The following TMEM80 variants were observed in gnomAD, a reference collection of about 807,000 sequenced individuals.
TMEM80 encodes transmembrane protein 80.
Under a neutral mutation model 13.6 loss-of-function variants are expected in TMEM80, and 16 were observed. That is an observed-to-expected ratio of 1.17 (90% CI 0.79 to 1.78). The LOEUF is 1.78. Ranked by LOEUF, TMEM80 falls within the 40% of genes most tolerant of loss-of-function variation. The pLI, the probability that TMEM80 is intolerant of heterozygous loss-of-function variation, is 0.00. For missense variants in TMEM80, 167 were observed against 184.6 expected (o/e 0.90, Z 0.55); for synonymous variants, 92 against 89.5 (o/e 1.03, Z -0.16).
chr11:703,173 A>G lies in TMEM80; in HGVS notation c.*23A>G. 1 of 1,586,972 alleles carries G rather than the reference A, an allele frequency of 6.3e-7. No individual in the cohort carries two copies. Among genetic ancestry groups the G allele is most frequent in the Non-Finnish European group, 8.6e-7 (1 of 1,162,066 alleles). On this transcript the variant is annotated 3_prime_UTR_variant, in exon 5 of 5. Coordinates refer to ENST00000397510, the MANE Select transcript of TMEM80 (RefSeq NM_001042463.3). ...TAGCTACGGACACCCGGGATACCCC[A>G]CACTGGGGCCCTCCTCCTGGGCCTG...
At chr11:700,121 G>T in intron 2 of TMEM80, 21 bp from the exon 3 acceptor site, 2 of 1,611,008 alleles carry the variant, frequency 1.2e-6, no homozygotes, top group Non-Finnish European at 1.7e-6. Flanking sequence ...TTGAGCTTGA[G>T]GATCCTTAAC....
At chr11:702,132 G>A (rs1861524900) in intron 4 of TMEM80, among the ~76,000 whole-genome samples, 1 of 152,150 alleles carries the variant, frequency 6.6e-6, no homozygotes, top group Non-Finnish European at 1.5e-5. Context: ...GCGGGGAAGG[G>A]TGGCCCCCAC....
chr11:704,697 T>C (rs1001494812), downstream of TMEM80: 32 of 1,259,208 alleles, frequency 2.5e-5, no homozygotes, highest in African/African-American at 4.9e-4. Context: ...AGTGGTCACC[T>C]GTTCCACAGG....
chr11:700,213 G>T lies in TMEM80; in HGVS notation c.111G>T (p.Thr37=). ...ACTACGCCCTGTATTTCCTCGCCAC[G>T]CTCCTGATGATCACGTATAAAAGTA... The part of the protein sequence containing the change: ...GTYYALYFLA[T]LLMITYKSQV... The change falls in exon 3 of 5, where the codon ACG becomes ACT. Residue 37 remains threonine, a synonymous_variant. Transcript: ENST00000397510. The T allele has an allele frequency of 6.2e-7, 1 of 1,613,804 alleles. No individual in the cohort carries two copies. The highest frequency in any genetic ancestry group is 8.5e-7 in the Non-Finnish European group (1 of 1,179,938).
chr11:703,457 T>TCCACAGACCC lies in TMEM80; in HGVS notation c.*311_*320dup. 2.4e-6 allele frequency: 3 copies of TCCACAGACCC among 1,269,832 alleles called. No homozygotes were observed. The highest frequency in any genetic ancestry group is 3.0e-6 in the Non-Finnish European group (3 of 1,010,376). The allele number at this position is 1,269,832 out of a possible 1,614,324, so 78.7% of individuals were successfully genotyped here. ...GGGGTCTGGCTTTAGCAGCCAGGCCTCCACAGACCCCCATGGGCCCCCAGG... is the reference window on the plus strand; with the variant it reads ...GGGGTCTGGCTTTAGCAGCCAGGCCTCCACAGACCCCCACAGACCCCCATGGGCCCCCAGG... On this transcript the variant is annotated 3_prime_UTR_variant, in exon 5 of 5. Coordinates refer to ENST00000397510, the MANE Select transcript of TMEM80 (RefSeq NM_001042463.3).
At position 703,073 on chromosome 11, in the gene TMEM80, C is replaced by T. The variant is rs769282317; in HGVS notation, c.355C>T (p.Leu119Phe). 23 of 1,612,574 alleles carry T rather than the reference C, an allele frequency of 1.4e-5. No individual in the cohort carries two copies. The highest frequency in any genetic ancestry group is 1.7e-5 in the Non-Finnish European group (20 of 1,179,742). The change falls in exon 5 of 5, where the codon CTC (leucine) becomes TTC (phenylalanine). Residue 119 changes from leucine to phenylalanine, a missense_variant. Coordinates refer to ENST00000397510, the MANE Select transcript of TMEM80 (RefSeq NM_001042463.3). ...CCTAGTGTTGTGGGCGGACTGGGCCCTCAGCGCCACGCTCCTGGCCCTTCA... is the reference window on the plus strand; with the variant it reads ...CCTAGTGTTGTGGGCGGACTGGGCCTTCAGCGCCACGCTCCTGGCCCTTCA... ...QALVLWADWA[L>F]SATLLALHGL...
At chr11:696,541 A>T (rs1048670876) in intron 1 of TMEM80, among the ~76,000 whole-genome samples, 4 of 152,096 alleles carry the variant, frequency 2.6e-5, no homozygotes, top group Non-Finnish European at 4.4e-5. Context: ...CAGTTTGGGA[A>T]GCCGAGGCTG....
In TMEM80 at chr11:700,763, C is replaced by T. The variant is rs774539919; in HGVS notation, c.226+56C>T. ...TGTCCTAAGAGTTGCTATCTGTTTCCACAGCCTTTCAAGAGTAATTATTTT... is the reference window on the plus strand; with the variant it reads ...TGTCCTAAGAGTTGCTATCTGTTTCTACAGCCTTTCAAGAGTAATTATTTT... On this transcript the variant is annotated intron_variant, in intron 4 of 4. Coordinates refer to ENST00000397510, the MANE Select transcript of TMEM80 (RefSeq NM_001042463.3). The T allele has an allele frequency of 2.3e-5, 34 of 1,448,752 alleles. 1 individual carries two copies. The highest frequency in any genetic ancestry group is 1.7e-4 in the Middle Eastern group (1 of 5,746). The allele number at this position is 1,448,752 out of a possible 1,614,324, so 89.7% of individuals were successfully genotyped here. A position where few individuals can be genotyped will look rare whatever the true frequency, so the allele number is the denominator to read the frequency against.
intron 1 of TMEM80, 34 bp from the exon 2 acceptor site, chr11:698,835 G>C: frequency 6.2e-7 from 1 of 1,614,068 alleles, no homozygotes; most frequent in Admixed American, 1.7e-5. Flanking sequence ...CCTGGTGGCT[G>C]TCAGGCCTTG....
chr11:703,490 G>A lies in TMEM80; in HGVS notation c.*340G>A. On this transcript the variant is annotated 3_prime_UTR_variant, in exon 5 of 5. Transcript: ENST00000397510. The stretch of plus-strand genomic sequence containing the variant: ...CCCCCATGGGCCCCCAGGGCCGAGA[G>A]GGAGGACAGAGCCCTTCAGAACAGA... 1 of 1,257,264 alleles carries A rather than the reference G, an allele frequency of 8.0e-7. No individual in the cohort carries two copies. Among genetic ancestry groups the A allele is most frequent in the Non-Finnish European group, 1.0e-6 (1 of 1,003,070 alleles). The allele number at this position is 1,257,264 out of a possible 1,614,324, so 77.9% of individuals were successfully genotyped here. A position where few individuals can be genotyped will look rare whatever the true frequency, so the allele number is the denominator to read the frequency against.
At chr11:695,652 G>T, upstream of TMEM80, 1 of 1,244,672 alleles carries the variant, frequency 8.0e-7, no homozygotes, top group South Asian at 4.0e-5. Flanking sequence ...TTCCGAAAGT[G>T]CCCGAGCGGT....
chr11:700,983 GAA>G (rs56315284), intron 4 of TMEM80: 416,528 of 506,822 alleles, frequency 0.82, 171,955 homozygotes, highest in Non-Finnish European at 0.85. Flanking sequence ...ACTGAGATCA[GAA>G]AAGCCCAGCC....
intron 1 of TMEM80, among the ~76,000 whole-genome samples, chr11:697,048 C>T (rs1279303149): frequency 6.6e-6 from 1 of 151,106 alleles, no homozygotes; most frequent in Admixed American, 6.6e-5. Flanking sequence ...TGCAGTTGGC[C>T]AAGATCGCAC....
chr11:704,194 C>T, downstream of TMEM80: 2 of 1,029,716 alleles, frequency 1.9e-6, no homozygotes, highest in Non-Finnish European at 2.5e-6. Flanking sequence ...AGAGAGCACA[C>T]CCCACTTGCC....
intron 4 of TMEM80, among the ~76,000 whole-genome samples, chr11:702,188 C>T (rs1031414488): frequency 2.0e-5 from 3 of 152,170 alleles, no homozygotes; most frequent in African/African-American, 4.8e-5. Context: ...AGGATGGAGG[C>T]GAGTTCTCTC....
intron 4 of TMEM80, among the ~76,000 whole-genome samples, chr11:701,667 C>T (rs1861498563): frequency 6.6e-6 from 1 of 152,130 alleles, no homozygotes; most frequent in Admixed American, 6.5e-5. Context: ...CCTCGGCCTC[C>T]CAAAGTGCTG....
intron 1 of TMEM80, among the ~76,000 whole-genome samples, chr11:697,254 T>C (rs1011432106): frequency 6.6e-6 from 1 of 151,842 alleles, no homozygotes; most frequent in South Asian, 2.1e-4. Context: ...ACCCTGTCTC[T>C]AAAAAAACTA....
At chr11:702,531 C>A (rs1861544003) in intron 4 of TMEM80, among the ~76,000 whole-genome samples, 1 of 152,220 alleles carries the variant, frequency 6.6e-6, no homozygotes, top group Non-Finnish European at 1.5e-5. Context: ...AATACATACT[C>A]GTGAAATTTT....
downstream of TMEM80, chr11:704,925 G>A (rs1861650885): frequency 2.9e-6 from 1 of 348,746 alleles, no homozygotes; most frequent in South Asian, 2.2e-5. Context: ...GGTGCACCGA[G>A]GGGTTGGCGT....
Sources: allele counts gnomAD v4.1 joint callset (sites outside exome capture counted in the v4.1 genomes callset), GRCh38; gene constraint gnomAD v4.1.1; transcripts MANE v1.5; gene names NCBI Gene and HGNC (gene_info 2026-07-23, HGNC 2026-07-21).